SHTN1: variants seen among roughly 807,000 people sequenced by gnomAD.
The protein encoded by SHTN1 is shootin-1.
A neutral mutation model predicts 83.1 loss-of-function variants in SHTN1; 42 were observed. The ratio of observed to expected loss-of-function variants is 0.51; its 90% CI spans 0.39 to 0.65. The LOEUF is 0.65. SHTN1 is among the 30% of genes least tolerant of loss of function. SHTN1 has a pLI of 0.00. For synonymous variants in SHTN1, 224 were observed against 247.7 expected (o/e 0.90, Z 0.90); for missense variants, 622 against 737.8 (o/e 0.84, Z 1.82).
At chr10:116,995,018 G>A (rs940868699) in intron 1 of SHTN1, among the ~76,000 whole-genome samples, 2 of 152,006 alleles carry the variant, frequency 1.3e-5, no homozygotes, top group South Asian at 2.1e-4. Context: ...CATGCTACCT[G>A]TCATAATTCT....
intron 12 of SHTN1, among the ~76,000 whole-genome samples, chr10:116,920,514 A>T (rs1052081057): frequency 4.6e-5 from 7 of 152,088 alleles, no homozygotes; most frequent in African/African-American, 1.4e-4. Context: ...ACCCTCATGT[A>T]AGCTACCATC....
intron 1 of SHTN1, among the ~76,000 whole-genome samples, chr10:117,052,757 C>T (rs1589912667): frequency 6.6e-6 from 1 of 151,806 alleles, no homozygotes; most frequent in South Asian, 2.1e-4. Context: ...CGGTGGCTCA[C>T]GCCTCTAATC....
At chr10:117,022,811 C>G (rs1852282733) in intron 2 of SHTN1, among the ~76,000 whole-genome samples, 1 of 152,104 alleles carries the variant, frequency 6.6e-6, no homozygotes, top group South Asian at 2.1e-4. Flanking sequence ...ATCCCCGCTA[C>G]TTGGGAGGCT....
At chr10:117,042,457 A>G (rs775487030) in intron 2 of SHTN1, among the ~76,000 whole-genome samples, 1 of 152,200 alleles carries the variant, frequency 6.6e-6, no homozygotes, top group African/African-American at 2.4e-5. Flanking sequence ...CAGTAGTTAC[A>G]TTTGATAACC....
At chr10:117,005,635 G>A, upstream of SHTN1, 1 of 977,660 alleles carries the variant, frequency 1.0e-6, no homozygotes, top group Non-Finnish European at 1.2e-6. Flanking sequence ...CTGGGGGCGC[G>A]GTTGCAAAAC....
intron 1 of SHTN1, among the ~76,000 whole-genome samples, chr10:117,103,130 C>G (rs918187078): frequency 3.9e-5 from 6 of 152,174 alleles, no homozygotes; most frequent in African/African-American, 1.2e-4. Context: ...TGCTCTGTCA[C>G]CCAGGCTGGA....
chr10:116,905,151 G>A (rs1382947366), intron 15 of SHTN1, among the ~76,000 whole-genome samples: 10 of 149,390 alleles, frequency 6.7e-5, no homozygotes, highest in Admixed American at 1.3e-4. Flanking sequence ...GCAGTGAGCC[G>A]AGATTGCGCC....
At chr10:117,101,769 G>A (rs185566919) in intron 1 of SHTN1, among the ~76,000 whole-genome samples, 241 of 152,236 alleles carry the variant, frequency 1.6e-3, no homozygotes, top group Middle Eastern at 6.8e-3. Context: ...TCATTTAACT[G>A]TATTCCAGAT....
chr10:116,939,383 A>G (rs752597473), intron 9 of SHTN1, among the ~76,000 whole-genome samples: 1 of 152,200 alleles, frequency 6.6e-6, no homozygotes, highest in Admixed American at 6.5e-5. Flanking sequence ...CATTCCTCAC[A>G]GCACAGTCTC....
At chr10:117,011,363 C>T (rs1352023252) in intron 2 of SHTN1, among the ~76,000 whole-genome samples, 1 of 152,150 alleles carries the variant, frequency 6.6e-6, no homozygotes, top group Non-Finnish European at 1.5e-5. Flanking sequence ...GTCCTTTCCC[C>T]ATTGAGTGGT....
chr10:117,008,113 A>C (rs1182294599), upstream of SHTN1, among the ~76,000 whole-genome samples: 1 of 152,088 alleles, frequency 6.6e-6, no homozygotes, highest in Admixed American at 6.6e-5. Context: ...GTGTGTGTTT[A>C]CATATATATA....
chr10:116,955,215 C>T (rs1849941362), intron 4 of SHTN1, among the ~76,000 whole-genome samples: 1 of 151,580 alleles, frequency 6.6e-6, no homozygotes, highest in African/African-American at 2.4e-5. Flanking sequence ...CCTTCTTTAG[C>T]TAATGTGTTT....
chr10:116,973,025 A>G (rs1850673376), intron 2 of SHTN1, among the ~76,000 whole-genome samples: 1 of 152,182 alleles, frequency 6.6e-6, no homozygotes, highest in Non-Finnish European at 1.5e-5. Context: ...ATTTGTAGAG[A>G]AACAGCCTTT....
intron 8 of SHTN1, among the ~76,000 whole-genome samples, chr10:116,941,137 CA>C (rs1849357760): frequency 6.6e-6 from 1 of 152,176 alleles, no homozygotes; most frequent in Non-Finnish European, 1.5e-5. Flanking sequence ...AACTGAGGCT[CA>C]AAGAAGTTAA....
intron 2 of SHTN1, among the ~76,000 whole-genome samples, chr10:116,971,907 A>G (rs1231232327): frequency 1.3e-5 from 2 of 152,206 alleles, no homozygotes; most frequent in Admixed American, 1.3e-4. Context: ...TCAAATAGCC[A>G]GAGTTTTTAG....
chr10:116,979,061 T>C (rs533639056), intron 2 of SHTN1, among the ~76,000 whole-genome samples, 195 bp downstream of exon 2: 1 of 152,342 alleles, frequency 6.6e-6, no homozygotes, highest in East Asian at 1.9e-4. Flanking sequence ...CACTGTGGCA[T>C]GCCTGCTATT....
intron 16 of SHTN1, among the ~76,000 whole-genome samples, chr10:116,891,619 T>C (rs1847344928): frequency 6.6e-6 from 1 of 152,248 alleles, no homozygotes; most frequent in Admixed American, 6.5e-5. Context: ...CTTATTTTTT[T>C]CCAAGCCCTT....
At chr10:116,936,888 G>A (rs1354470980) in intron 9 of SHTN1, among the ~76,000 whole-genome samples, 1 of 151,978 alleles carries the variant, frequency 6.6e-6, no homozygotes, top group African/African-American at 2.4e-5. Flanking sequence ...AGCTCTTCTT[G>A]TTGCATTAAT....
chr10:116,887,148 C>T (rs558084438), intron 16 of SHTN1, among the ~76,000 whole-genome samples: 2 of 152,254 alleles, frequency 1.3e-5, no homozygotes, highest in Admixed American at 1.3e-4. Context: ...GAGAGAGAGC[C>T]AGAGTAGAAG....
Sources: gnomAD v4.1 joint callset for allele counts (sites outside exome capture counted in the v4.1 genomes callset) on GRCh38, gnomAD v4.1.1 for gene constraint, MANE v1.5 for transcripts, NCBI Gene and HGNC (gene_info 2026-07-23, HGNC 2026-07-21) for gene names.